The following LYST variants were observed in gnomAD, a reference collection of about 807,000 sequenced individuals.
LYST encodes lysosomal trafficking regulator, also known as lysosomal-trafficking regulator.
In LYST, 192 loss-of-function variants were observed where a neutral mutation model predicts 413.6. The ratio of observed to expected loss-of-function variants is 0.46; its 90% CI spans 0.41 to 0.52. LYST has a LOEUF of 0.52. LYST is among the 20% of genes least tolerant of loss of function. The pLI is 0.00. For synonymous variants in LYST, 1,525 were observed against 1,567.3 expected, an observed-to-expected ratio of 0.97 and a Z score of 0.64; for missense variants, 3,815 against 4,499.9, an observed-to-expected ratio of 0.85 and a Z score of 4.35.
chr1:235,764,495 C>CTTTT (rs1020736833), intron 21 of LYST, among the ~76,000 whole-genome samples: 112 of 97,922 alleles, frequency 1.1e-3, no homozygotes, highest in Non-Finnish European at 1.6e-3. Flanking sequence ...TTTTTCTTTT[C>CTTTT]TTTTTTTTTT....
chr1:235,712,028 T>C (rs1260592134), intron 43 of LYST, 29 bp downstream of exon 43: 3 of 1,487,170 alleles, frequency 2.0e-6, no homozygotes, highest in Non-Finnish European at 2.7e-6. Context: ...CCCTCAGAAA[T>C]ATAAATTAAA....
intron 12 of LYST, among the ~76,000 whole-genome samples, chr1:235,790,915 G>C (rs1320241638): frequency 2.0e-5 from 3 of 152,134 alleles, no homozygotes; most frequent in Admixed American, 6.6e-5. Flanking sequence ...GCATGAGAAG[G>C]AGAACTTGAA....
chr1:235,688,679 G>A lies in LYST; in HGVS notation c.10702-1632C>T, dbSNP rs140142230. Reference sequence around the variant, plus strand: ...GATCATATAAGTGAAATCTCAGAGCGTGAGTCTTTATATAACAAAATCCTG... The same window carrying A: ...GATCATATAAGTGAAATCTCAGAGCATGAGTCTTTATATAACAAAATCCTG... On this transcript the variant is annotated intron_variant, in intron 47 of 52. Transcript: ENST00000389793. 1.5e-4 allele frequency among the ~76,000 whole-genome samples: 23 copies of A among 152,194 alleles called. No homozygotes were observed. The East Asian group carries it at 3.1e-3, about 20-fold the overall frequency.
At chr1:235,752,920 T>C in intron 26 of LYST, 124 bp downstream of exon 26, 1 of 580,704 alleles carries the variant, frequency 1.7e-6, no homozygotes, top group East Asian at 2.9e-5. Context: ...TTATTTTAGG[T>C]TCAGAGGTAC....
At chr1:235,691,744 T>C (rs1268208588) in intron 47 of LYST, among the ~76,000 whole-genome samples, 1 of 147,970 alleles carries the variant, frequency 6.8e-6, no homozygotes, top group Non-Finnish European at 1.5e-5. Flanking sequence ...TTGCTGATGC[T>C]GGAGCGCAAT....
intron 1 of LYST, among the ~76,000 whole-genome samples, chr1:235,847,370 A>G (rs1242066498): frequency 2.6e-5 from 4 of 152,230 alleles, no homozygotes; most frequent in Non-Finnish European, 4.4e-5. Context: ...AAGAACTGCT[A>G]AAAGGAGCTC....
chr1:235,673,593 C>T (rs1398109391), intron 50 of LYST, among the ~76,000 whole-genome samples: 3 of 152,176 alleles, frequency 2.0e-5, no homozygotes, highest in Non-Finnish European at 2.9e-5. Flanking sequence ...ACCAGTGCAA[C>T]CCACTACTCA....
Position 235,704,499 on chromosome 1 carries a change from T to C in LYST, c.10144-1522A>G, listed in dbSNP as rs1440374984. ...TGTGGTTTTGATTTGCATTTTTCTA[T>C]TGATCAGTGATATTGAGCTTTTTTT... On this transcript the variant is annotated intron_variant, in intron 44 of 52. Transcript: ENST00000389793. Among the ~76,000 whole-genome samples the C allele has an allele frequency of 1.1e-4, 17 of 152,212 alleles. 1 individual carries two copies. Among genetic ancestry groups the C allele is most frequent in the Admixed American group, 1.0e-3 (16 of 15,280 alleles).
At chr1:235,671,091 C>CCA (rs1407223373) in intron 50 of LYST, among the ~76,000 whole-genome samples, 1 of 152,182 alleles carries the variant, frequency 6.6e-6, no homozygotes, top group African/African-American at 2.4e-5. Context: ...GCACCTGCCA[C>CCA]CACGCCCAGC....
intron 1 of LYST, among the ~76,000 whole-genome samples, chr1:235,843,590 G>A (rs563461128): frequency 2.6e-4 from 39 of 152,208 alleles, no homozygotes; most frequent in Admixed American, 2.0e-3. Flanking sequence ...AGTGCCATCT[G>A]AAGGAAGAAA....
At chr1:235,711,996 A>G (rs1044708730) in intron 43 of LYST, 61 bp downstream of exon 43, 9 of 1,377,788 alleles carry the variant, frequency 6.5e-6, no homozygotes, top group South Asian at 3.0e-5. Context: ...TCATTTTTGG[A>G]AAATTACAAA....
chr1:235,736,568 T>C (rs1173195908), intron 31 of LYST: 1 of 152,162 alleles, frequency 6.6e-6, no homozygotes, highest in Non-Finnish European at 1.5e-5. Context: ...GCTGGAGAGT[T>C]AATCAGAATC....
In LYST at chr1:235,778,973, T is replaced by C. The variant is rs532451349; in HGVS notation, c.5215-1665A>G. Among the ~76,000 whole-genome samples the C allele has an allele frequency of 2.9e-3, 435 of 151,676 alleles. 2 individuals are homozygous for C. Among genetic ancestry groups the C allele is most frequent in the African/African-American group, 0.01 (414 of 41,356 alleles). ...TCTCCGCCTCCTAGGTTCAAGCGATTCTCCTGCCTCAGCCTCCTGAGTAGC... is the reference window on the plus strand; with the variant it reads ...TCTCCGCCTCCTAGGTTCAAGCGATCCTCCTGCCTCAGCCTCCTGAGTAGC... On this transcript the variant is annotated intron_variant, in intron 16 of 52. Coordinates refer to ENST00000389793, the MANE Select transcript of LYST (RefSeq NM_000081.4).
intron 45 of LYST, among the ~76,000 whole-genome samples, chr1:235,701,312 T>G (rs1337920324): frequency 6.6e-6 from 1 of 152,156 alleles, no homozygotes; most frequent in East Asian, 1.9e-4. Context: ...AGGGATGTAT[T>G]GTAAAATTAT....
At position 235,715,315 on chromosome 1, in the gene LYST, G is replaced by C. The variant is rs1425163458; in HGVS notation, c.9670C>G (p.Pro3224Ala). ...EYRKGAREDD[P>A]MPPVQPYHYG... ...TGATAGGGCTGCACGGGAGGCATGG[G>C]GTCATCTTCTCTGGCTCCTTTGCGG... Residue 3224 changes from proline to alanine, a missense_variant, in exon 42 of 53, where the codon CCC (proline) becomes GCC (alanine). Pro to Ala is a conservative substitution (Grantham distance 27). Around this residue, in one of 4 missense-constraint regions of LYST, gnomAD observed 866 missense variants for 1,156.0 expected, o/e 0.75. Transcript: ENST00000389793. 5.6e-6 allele frequency: 9 copies of C among 1,613,822 alleles called. No homozygotes were observed. The highest frequency in any genetic ancestry group is 7.6e-6 in the Non-Finnish European group (9 of 1,179,916).
chr1:235,762,571 T>G (rs749998169), intron 22 of LYST, 149 bp downstream of exon 22: 3 of 725,904 alleles, frequency 4.1e-6, no homozygotes, highest in Non-Finnish European at 7.1e-6. Flanking sequence ...ATCCATTTTC[T>G]CAATGCTCTT....
At chr1:235,836,575 T>A (rs1482191749) in intron 1 of LYST, among the ~76,000 whole-genome samples, 1 of 151,924 alleles carries the variant, frequency 6.6e-6, no homozygotes, top group Non-Finnish European at 1.5e-5. Context: ...GGATATTGAG[T>A]GCAAGAGGAC....
intron 1 of LYST, among the ~76,000 whole-genome samples, chr1:235,858,875 G>A (rs1475316168): frequency 1.3e-5 from 2 of 152,092 alleles, no homozygotes; most frequent in South Asian, 2.1e-4. Context: ...AAGGGGAGTG[G>A]GAGCAGGCAG....
chr1:235,844,401 T>C (rs1246467814), intron 1 of LYST, among the ~76,000 whole-genome samples: 2 of 152,170 alleles, frequency 1.3e-5, no homozygotes, highest in South Asian at 2.1e-4. Flanking sequence ...CATTCTACAG[T>C]TGAGAAAAAC....
Sources: gnomAD v4.1 joint callset for allele counts (sites outside exome capture counted in the v4.1 genomes callset) on GRCh38, gnomAD v4.1.1 for gene constraint, gnomAD v4.1.1 regional missense constraint, MANE v1.5 for transcripts, NCBI Gene and HGNC (gene_info 2026-07-23, HGNC 2026-07-21) for gene names.